Variants in ZBTB46 observed in about 807,000 individuals in gnomAD.
ZBTB46 encodes zinc finger and BTB domain containing 46, also known as zinc finger and BTB domain-containing protein 46.
In ZBTB46, 8 loss-of-function variants were observed where a neutral mutation model predicts 44.1. The observed-to-expected ratio is 0.18, with a 90% CI of 0.11 to 0.33. The LOEUF is 0.33. Ranked by LOEUF, ZBTB46 falls within the 10% of genes least tolerant of loss-of-function variation. The pLI is 1.00. For synonymous variants in ZBTB46, 409 were observed against 382.3 expected, an observed-to-expected ratio of 1.07 and a Z score of -0.81; for missense variants, 651 against 847.7, an observed-to-expected ratio of 0.77 and a Z score of 2.88.
In ZBTB46 at chr20:63,787,858, G is replaced by A. The variant is rs1408631046; in HGVS notation, c.937+1963C>T. 1.3e-5 allele frequency: 2 copies of A among 152,230 alleles called. No homozygotes were observed. Among genetic ancestry groups the A allele is most frequent in the South Asian group, 2.1e-4 (1 of 4,830 alleles). The allele number at this position is 152,230 out of a possible 1,614,324, so 9.4% of individuals were successfully genotyped here. On this transcript the variant is annotated intron_variant, in intron 2 of 4. Transcript: ENST00000245663. The surrounding 1 kb of genome is among the most constrained non-coding windows in gnomAD (Gnocchi z 4.6). ...TCCCGGCTCTCGCAGATCTCTCAGC[G>A]ACGGAGAGGAGGGACCAGGGTCAGG... is the stretch of plus-strand genomic sequence containing the variant.
intron 1 of ZBTB46, among the ~76,000 whole-genome samples, chr20:63,795,548 CT>C (rs2145952750): frequency 6.6e-6 from 1 of 152,370 alleles, no homozygotes; most frequent in East Asian, 1.9e-4. Context: ...GAGAGGTGGT[CT>C]CCACAGTGCA....
At chr20:63,773,096 C>T (rs1428323657) in intron 3 of ZBTB46, among the ~76,000 whole-genome samples, 6 of 152,188 alleles carry the variant, frequency 3.9e-5, no homozygotes, top group South Asian at 2.1e-4. Context: ...TCTGCCAAGC[C>T]GTGCCCTCCG....
chr20:63,811,559 G>A (rs975356670), intron 1 of ZBTB46, among the ~76,000 whole-genome samples: 2 of 152,174 alleles, frequency 1.3e-5, no homozygotes, highest in Non-Finnish European at 1.5e-5. Context: ...GGAAGATCTC[G>A]GGGGTGCAGA....
At chr20:63,773,108 C>T (rs1354909774) in intron 3 of ZBTB46, among the ~76,000 whole-genome samples, 1 of 152,198 alleles carries the variant, frequency 6.6e-6, no homozygotes, top group Non-Finnish European at 1.5e-5. Flanking sequence ...TGCCCTCCGA[C>T]CCCATCTGCT....
intron 2 of ZBTB46, among the ~76,000 whole-genome samples, chr20:63,780,966 T>TA (rs59209531): frequency 2.4e-4 from 33 of 135,324 alleles, no homozygotes; most frequent in African/African-American, 4.2e-4. Context: ...CCATCTCTAC[T>TA]AAAAAAAAAA....
chr20:63,796,177 G>C (rs1189547138), intron 1 of ZBTB46, among the ~76,000 whole-genome samples: 1 of 152,208 alleles, frequency 6.6e-6, no homozygotes, highest in Non-Finnish European at 1.5e-5. Flanking sequence ...CGTCCCTAAG[G>C]AGCTCTGCCC....
chr20:63,768,122 G>A (rs1333453355), intron 3 of ZBTB46: 1 of 985,198 alleles, frequency 1.0e-6, no homozygotes, highest in Non-Finnish European at 1.2e-6. Context: ...CAGCCATCTG[G>A]AAAGGAAGAC....
At chr20:63,824,615 G>A (rs1486892865) in intron 1 of ZBTB46, among the ~76,000 whole-genome samples, 3 of 151,830 alleles carry the variant, frequency 2.0e-5, no homozygotes, top group Non-Finnish European at 2.9e-5. Context: ...AACACTTACC[G>A]CCTTCCCCCA....
intron 3 of ZBTB46, chr20:63,775,460 G>A (rs549416073): frequency 2.8e-4 from 143 of 506,282 alleles, no homozygotes; most frequent in African/African-American, 2.7e-3. Context: ...GCTCACAACC[G>A]CGTCCATTCC....
At chr20:63,763,060 A>G (rs547393257) in intron 3 of ZBTB46, among the ~76,000 whole-genome samples, 8 of 152,248 alleles carry the variant, frequency 5.3e-5, no homozygotes, top group Non-Finnish European at 1.2e-4. Context: ...GGGTCTTGCT[A>G]AGTTGCCCAG....
At chr20:63,792,280 G>A (rs918166688) in intron 1 of ZBTB46, among the ~76,000 whole-genome samples, 3 of 152,152 alleles carry the variant, frequency 2.0e-5, no homozygotes, top group Admixed American at 6.5e-5. Context: ...GGTCTCTCCC[G>A]TTACAAACCC....
chr20:63,773,232 T>C (rs2092392191), intron 3 of ZBTB46, among the ~76,000 whole-genome samples: 1 of 139,042 alleles, frequency 7.2e-6, no homozygotes. Context: ...TCCAATGGCT[T>C]TTTTTTTTTT....
At chr20:63,772,017 T>TTTC (rs1555841814) in intron 3 of ZBTB46, among the ~76,000 whole-genome samples, 1 of 149,208 alleles carries the variant, frequency 6.7e-6, no homozygotes, top group Non-Finnish European at 1.5e-5. Flanking sequence ...TTTTTTTTTT[T>TTTC]CTGACGAGTT....
intron 2 of ZBTB46, 64 bp from the exon 3 acceptor site, chr20:63,776,026 G>A (rs1196568366): frequency 1.3e-6 from 2 of 1,486,548 alleles, no homozygotes; most frequent in East Asian, 2.3e-5. Context: ...AGTGGGACAG[G>A]CGACACATTT....
chr20:63,751,284 G>A (rs776669408), intron 4 of ZBTB46, among the ~76,000 whole-genome samples: 9 of 152,166 alleles, frequency 5.9e-5, no homozygotes, highest in Non-Finnish European at 1.0e-4. Context: ...CTGCCATCTC[G>A]TGGTCCAGGG....
chr20:63,798,535 C>T (rs1216886291), intron 1 of ZBTB46, among the ~76,000 whole-genome samples: 1 of 151,552 alleles, frequency 6.6e-6, no homozygotes, highest in Non-Finnish European at 1.5e-5. Context: ...ATTAGCCGGG[C>T]ATGGTGGCAC....
rs771050384 is a variant in ZBTB46 at position 63,790,012 on chromosome 20, C to T, written c.746G>A (p.Gly249Asp). Residue 249 changes from glycine (G) to aspartate (D), a missense_variant, in exon 2 of 5, where the codon GGT becomes GAT. Physicochemically the swap from Gly to Asp is moderately conservative, Grantham distance 94. This residue lies in a region of ZBTB46 where 385 missense variants were observed against 423.3 expected (regional missense o/e 0.91). Transcript: ENST00000245663. ...CTCTGAGAAAGAGTTCTGTACTGCACCGTCCTTGGCAGAAGGCAGCTCGCT... is the reference window on the plus strand; with the variant it reads ...CTCTGAGAAAGAGTTCTGTACTGCATCGTCCTTGGCAGAAGGCAGCTCGCT... The part of the protein sequence containing the change: ...GGSELPSAKD[G>D]AVQNSFSEQS... The T allele has an allele frequency of 6.2e-7, 1 of 1,614,062 alleles. No individual in the cohort carries two copies. The highest frequency in any genetic ancestry group is 8.5e-7 in the Non-Finnish European group (1 of 1,179,976).
upstream of ZBTB46, chr20:63,831,366 G>A (rs2092851104): frequency 7.1e-6 from 1 of 140,570 alleles, no homozygotes; most frequent in Admixed American, 6.9e-5. Context: ...GGCCGCCGCT[G>A]ATTGGCCCGC....
chr20:63,764,965 C>T (rs558363535), intron 3 of ZBTB46, among the ~76,000 whole-genome samples: 1 of 152,058 alleles, frequency 6.6e-6, no homozygotes, highest in African/African-American at 2.4e-5. Flanking sequence ...CTCACCCAGG[C>T]TGGAGTGCAA....
Sources: allele counts gnomAD v4.1 joint callset (sites outside exome capture counted in the v4.1 genomes callset), GRCh38; gene constraint gnomAD v4.1.1; regional missense constraint gnomAD v4.1.1; non-coding constraint Gnocchi (gnomAD v3.1); transcripts MANE v1.5; gene names NCBI Gene and HGNC (gene_info 2026-07-23, HGNC 2026-07-21).